ITPRID2: variants seen among roughly 807,000 people sequenced by gnomAD.
ITPRID2 encodes ITPR interacting domain containing 2.
In ITPRID2, 60 loss-of-function variants were observed where a neutral mutation model predicts 124.3. The ratio of observed to expected loss-of-function variants is 0.48; its 90% CI spans 0.39 to 0.60. The LOEUF (loss-of-function observed/expected upper bound fraction) is 0.60. ITPRID2 is among the 20% of genes least tolerant of loss of function. The pLI, the probability that ITPRID2 is intolerant of heterozygous loss-of-function variation, is 0.00. For missense variants in ITPRID2, 1,553 were observed against 1,512.2 expected (o/e 1.03, Z -0.45); for synonymous variants, 521 against 542.9 (o/e 0.96, Z 0.56).
chr2:181,895,190 A>G (rs1266400410), intron 2 of ITPRID2, among the ~76,000 whole-genome samples: 3 of 152,060 alleles, frequency 2.0e-5, no homozygotes, highest in African/African-American at 7.2e-5. Context: ...TGAATTTTTA[A>G]CAGCTATAAA....
At chr2:181,914,375 A>G (rs1444627109) in intron 10 of ITPRID2, among the ~76,000 whole-genome samples, 4 of 152,224 alleles carry the variant, frequency 2.6e-5, no homozygotes, top group African/African-American at 9.7e-5. Context: ...GCACATCTTT[A>G]TCCCCAAGAA....
At chr2:181,913,661 G>A (rs149274087) in intron 9 of ITPRID2, among the ~76,000 whole-genome samples, 184 bp from the exon 10 acceptor site, 6 of 152,108 alleles carry the variant, frequency 3.9e-5, no homozygotes, top group Admixed American at 6.5e-5. Context: ...GTTACCTCCT[G>A]TACTTTGAAG....
rs1399033540 is a variant in ITPRID2, at chr2:181,902,982, A to T, written c.1413+516A>T. Among the ~76,000 whole-genome samples the T allele has an allele frequency of 6.6e-6, 1 of 152,152 alleles. No individual in the cohort carries two copies. The highest frequency in any genetic ancestry group is 6.5e-5 in the Admixed American group (1 of 15,272). On this transcript the variant is annotated intron_variant, in intron 8 of 17. Coordinates refer to ENST00000431877, the MANE Select transcript of ITPRID2 (RefSeq NM_001130445.3). The surrounding 1 kb of genome is among the most constrained non-coding windows in gnomAD (Gnocchi z 4.4). ...GATATTACGTACCTGCATGGGGAGG[A>T]TAGGGACCCTAGAATTAGCAGGTTT...
rs534770753 is a variant in ITPRID2, at chr2:181,918,759, C to G, written c.2870C>G (p.Thr957Ser). ...TTTTGTTATATTGCATTCTAGAATA[C>G]TTTTCAGGAGCTCCAGGTAATGAGG... ...KSSVLPLYEN[T>S]FQELQVMRRS... Residue 957 changes from threonine to serine, a missense_variant, in exon 13 of 18, where the codon ACT becomes AGT. Transcript: ENST00000431877. The G allele has an allele frequency of 2.6e-5, 42 of 1,613,938 alleles. No homozygotes were observed. The South Asian group carries it at 3.8e-4, about 15-fold the overall frequency.
At chr2:181,924,546 GT>G (rs1036845654) in intron 16 of ITPRID2, among the ~76,000 whole-genome samples, 4 of 152,194 alleles carry the variant, frequency 2.6e-5, no homozygotes, top group African/African-American at 9.7e-5. Context: ...GGGTTGAACA[GT>G]TTTGCAGGTG....
chr2:181,917,814 C>T (rs1048905299), intron 11 of ITPRID2: 1 of 152,180 alleles, frequency 6.6e-6, no homozygotes, highest in African/African-American at 2.4e-5. Context: ...TTCTGTTTCT[C>T]GCCCACGTGG....
Position 181,910,716 on chromosome 2 carries a change from T to G in ITPRID2, c.1486+745T>G. On this transcript the variant is annotated intron_variant, in intron 9 of 17. Transcript: ENST00000431877. The surrounding 1 kb of genome is among the most constrained non-coding windows in gnomAD (Gnocchi z 4.1). ...AAGATTCGTATGTATGTTCCTAGAA[T>G]AGGAAATTACATGTTTGTTGTCTCC... 1 of 618,128 alleles carries G rather than the reference T, an allele frequency of 1.6e-6. No homozygotes were observed. The highest frequency in any genetic ancestry group is 3.2e-5 in the Admixed American group (1 of 31,586). 38.3% of individuals were successfully genotyped at this position (618,128 alleles called of 1,614,324 possible).
chr2:181,896,996 G>T lies in ITPRID2; in HGVS notation c.364+32G>T, dbSNP rs556872587. 5.7e-6 allele frequency: 9 copies of T among 1,589,246 alleles called. No individual in the cohort carries two copies. Among genetic ancestry groups the T allele is most frequent in the Non-Finnish European group, 7.8e-6 (9 of 1,159,486 alleles). ...TTGTTTGGAAGAACTGTATTTTTGT[G>T]TAGTTTTCAAATTTAAAAAAAATGA... On this transcript the variant is annotated intron_variant, in intron 4 of 17. Transcript: ENST00000431877. This position sits in a 1 kb window ranked among gnomAD's most constrained non-coding sequence, Gnocchi z 4.3.
chr2:181,896,547 A>G lies in ITPRID2; in HGVS notation c.308-361A>G, dbSNP rs1435637082. Among the ~76,000 whole-genome samples the G allele has an allele frequency of 1.3e-5, 2 of 152,004 alleles. No homozygotes were observed. Among genetic ancestry groups the G allele is most frequent in the African/African-American group, 4.8e-5 (2 of 41,448 alleles). ...TAAAAAAACATTTACAGTGTCAGGA[A>G]AATCCAGCTCCTGACTTAATATGAG... is the stretch of plus-strand genomic sequence containing the variant. On this transcript the variant is annotated intron_variant, in intron 3 of 17. Coordinates refer to ENST00000431877, the MANE Select transcript of ITPRID2 (RefSeq NM_001130445.3). This position sits in a 1 kb window ranked among gnomAD's most constrained non-coding sequence, Gnocchi z 4.3.
chr2:181,904,799 G>C (rs1365859893), intron 8 of ITPRID2, among the ~76,000 whole-genome samples: 5 of 152,160 alleles, frequency 3.3e-5, no homozygotes, highest in Admixed American at 2.0e-4. Context: ...CAGATATGTT[G>C]ACTGCATGAA....
chr2:181,902,353 G>C lies in ITPRID2; in HGVS notation c.1300G>C (p.Glu434Gln). ...SSHSELENSSELKSVHISTPE... is the reference protein window; with the variant it reads ...SSHSELENSSQLKSVHISTPE... ...CCACAGTGAGCTGGAAAATAGCAGT[G>C]AGCTGAAAAGTGTCCATATATCCAC... is the stretch of plus-strand genomic sequence containing the variant. Residue 434 changes from glutamate to glutamine, a missense_variant, in exon 8 of 18, where the codon GAG (glutamate) becomes CAG (glutamine). Glu to Gln is a conservative substitution (Grantham distance 29). Transcript: ENST00000431877. This position sits in a 1 kb window ranked among gnomAD's most constrained non-coding sequence, Gnocchi z 4.4. 1 of 1,613,920 alleles carries C rather than the reference G, an allele frequency of 6.2e-7. No homozygotes were observed. The highest frequency in any genetic ancestry group is 8.5e-7 in the Non-Finnish European group (1 of 1,179,890).
rs750962565 is a variant in ITPRID2 at position 181,892,625 on chromosome 2, C to T, written c.222C>T (p.Pro74=). 4 of 1,614,050 alleles carry T rather than the reference C, an allele frequency of 2.5e-6. No individual in the cohort carries two copies. The highest frequency in any genetic ancestry group is 1.3e-5 in the African/African-American group (1 of 74,936). Residue 74 remains proline, a synonymous_variant, in exon 2 of 18, where the codon CCC becomes CCT. Coordinates refer to ENST00000431877, the MANE Select transcript of ITPRID2 (RefSeq NM_001130445.3). The surrounding 1 kb of genome is among the most constrained non-coding windows in gnomAD (Gnocchi z 5.2). ...TCTCTCTACCCCCAGGAAACGTGCC[C>T]AACGAGAAGATCGCGATATGGCTCA... is the stretch of plus-strand genomic sequence containing the variant. ...LPAAGGRGNV[P]NEKIAIWLKD... is the part of the protein sequence containing the mutation.
chr2:181,892,314 T>A lies in ITPRID2; in HGVS notation c.211+37T>A. 1 of 1,520,220 alleles carries A rather than the reference T, an allele frequency of 6.6e-7. No individual in the cohort carries two copies. The highest frequency in any genetic ancestry group is 8.8e-7 in the Non-Finnish European group (1 of 1,133,772). 94.2% of individuals were successfully genotyped at this position (1,520,220 alleles called of 1,614,324 possible). A position where few individuals can be genotyped will look rare whatever the true frequency, so the allele number is the denominator to read the frequency against. ...CGGCCGGGCTCCGGGGGGAGGCTGG[T>A]GGGCTGGGGAGAGTCTCGTGCGCCC... On this transcript the variant is annotated intron_variant, in intron 1 of 17. Transcript: ENST00000431877. The surrounding 1 kb of genome is among the most constrained non-coding windows in gnomAD (Gnocchi z 5.2).
rs75716247 is a variant in ITPRID2 at position 181,915,580 on chromosome 2, G to A, written c.1940G>A (p.Gly647Asp). 60,176 of 1,614,104 alleles carry A rather than the reference G, an allele frequency of 0.037. 2,082 individuals carry two copies. The highest frequency in any genetic ancestry group is 0.13 in the African/African-American group (9,577 of 74,996). The change falls in exon 11 of 18, where the codon GGT (glycine) becomes GAT (aspartate). Residue 647 changes from glycine to aspartate, a missense_variant. Transcript: ENST00000431877. ...GAAGCAAGTGCTGAAAGTGATGTGG[G>A]TAAAAGCAGTGAAAGTGAATTTACT... Reference protein sequence around the residue: ...LREASAESDVGKSSESEFTQY... With the variant: ...LREASAESDVDKSSESEFTQY...
intron 8 of ITPRID2, among the ~76,000 whole-genome samples, chr2:181,903,092 G>C (rs1692813787): frequency 6.6e-6 from 1 of 152,168 alleles, no homozygotes; most frequent in East Asian, 1.9e-4. Flanking sequence ...ATACCTGATA[G>C]TTAACATAAA....
chr2:181,923,181 A>G (rs539788521), intron 16 of ITPRID2, among the ~76,000 whole-genome samples: 255 of 152,328 alleles, frequency 1.7e-3, no homozygotes, highest in Middle Eastern at 0.01. Flanking sequence ...AATTAGTAAA[A>G]TAAATGTTTT....
Position 181,902,510 on chromosome 2 carries a change from G to A in ITPRID2, c.1413+44G>A. ...AGACTGGTTTCAAGTTGCAGACTAG[G>A]AAAAAAAGTACCAAAAATGCTTATA... is the stretch of plus-strand genomic sequence containing the variant. On this transcript the variant is annotated intron_variant, in intron 8 of 17. Coordinates refer to ENST00000431877, the MANE Select transcript of ITPRID2 (RefSeq NM_001130445.3). This position sits in a 1 kb window ranked among gnomAD's most constrained non-coding sequence, Gnocchi z 4.4. 1 of 1,380,754 alleles carries A rather than the reference G, an allele frequency of 7.2e-7. No individual in the cohort carries two copies. The highest frequency in any genetic ancestry group is 9.7e-7 in the Non-Finnish European group (1 of 1,027,048). The allele number at this position is 1,380,754 out of a possible 1,614,324, so 85.5% of individuals were successfully genotyped here.
rs766024533 is a variant in ITPRID2, at chr2:181,913,915, A to G, written c.1557A>G (p.Leu519=). ...TTGCTGAAGATTCTACAGACTGCCT[A>G]TCCCTTAATCATCTTCAGGTAAAAT... ...SGFAEDSTDC[L]SLNHLQVQES... The change falls in exon 10 of 18, where the codon CTA becomes CTG. Residue 519 remains leucine, a synonymous_variant. Coordinates refer to ENST00000431877, the MANE Select transcript of ITPRID2 (RefSeq NM_001130445.3). 25 of 1,612,874 alleles carry G rather than the reference A, an allele frequency of 1.6e-5. No homozygotes were observed. The highest frequency in any genetic ancestry group is 1.7e-6 in the Non-Finnish European group (2 of 1,179,578).
rs1336089396 is a variant in ITPRID2, at chr2:181,929,777, TTGAAAAGCCTAATATTTATTTGTATG to T, written c.*232_*257del. Reference sequence around the variant, plus strand: ...CTAAACTATCAAAAACTCTAGCAGTTTGAAAAGCCTAATATTTATTTGTATGTCAGTATTTTTCATTTGATTCCCTA... The same window carrying T: ...CTAAACTATCAAAAACTCTAGCAGTTTCAGTATTTTTCATTTGATTCCCTA... On this transcript the variant is annotated 3_prime_UTR_variant, in exon 18 of 18. Coordinates refer to ENST00000431877, the MANE Select transcript of ITPRID2 (RefSeq NM_001130445.3). 2 of 536,558 alleles carry T rather than the reference TTGAAAAGCCTAATATTTATTTGTATG, an allele frequency of 3.7e-6. No homozygotes were observed. Among genetic ancestry groups the T allele is most frequent in the Non-Finnish European group, 6.3e-6 (2 of 315,716 alleles). The allele number at this position is 536,558 out of a possible 1,614,324, so 33.2% of individuals were successfully genotyped here. A position where few individuals can be genotyped will look rare whatever the true frequency, so the allele number is the denominator to read the frequency against.
Sources: gnomAD v4.1 joint callset for allele counts (sites outside exome capture counted in the v4.1 genomes callset) on GRCh38, gnomAD v4.1.1 for gene constraint, Gnocchi (gnomAD v3.1) non-coding constraint, MANE v1.5 for transcripts, NCBI Gene and HGNC (gene_info 2026-07-23, HGNC 2026-07-21) for gene names.